FAT4: variants seen among roughly 807,000 people sequenced by gnomAD.
FAT4 encodes protocadherin Fat 4.
A neutral mutation model predicts 303.9 loss-of-function variants in FAT4; 84 were observed. That is an observed-to-expected ratio of 0.28 (90% CI 0.23 to 0.33). The LOEUF is 0.33. Ranked by LOEUF, FAT4 falls within the 10% of genes least tolerant of loss-of-function variation. FAT4 has a pLI of 1.00. For synonymous variants in FAT4, 2,307 were observed against 2,298.8 expected, an observed-to-expected ratio of 1.00 and a Z score of -0.10; for missense variants, 6,005 against 6,146.8, an observed-to-expected ratio of 0.98 and a Z score of 0.77.
At chr4:125,422,160 T>C (rs1724925006) in intron 7 of FAT4, among the ~76,000 whole-genome samples, 1 of 152,206 alleles carries the variant, frequency 6.6e-6, no homozygotes, top group Non-Finnish European at 1.5e-5. Context: ...ATTTAGACAT[T>C]GTTTAAATTT....
intron 10 of FAT4, among the ~76,000 whole-genome samples, chr4:125,455,734 A>G (rs2126065075): frequency 6.6e-6 from 1 of 152,264 alleles, no homozygotes; most frequent in Middle Eastern, 3.4e-3. Context: ...TGTTATGGTG[A>G]GTTCTATGGT....
At chr4:125,355,135 C>A (rs1012464207) in intron 2 of FAT4, among the ~76,000 whole-genome samples, 3 of 151,652 alleles carry the variant, frequency 2.0e-5, no homozygotes, top group Admixed American at 2.0e-4. Context: ...TTTTAGAGAA[C>A]CTTCATATGA....
chr4:125,424,541 A>C (rs1725022255), intron 7 of FAT4, among the ~76,000 whole-genome samples: 1 of 152,186 alleles, frequency 6.6e-6, no homozygotes, highest in African/African-American at 2.4e-5. Context: ...CAGTGTGAGA[A>C]GGGATTAACA....
chr4:125,457,647 G>A (rs549251381), intron 10 of FAT4, among the ~76,000 whole-genome samples: 111 of 151,950 alleles, frequency 7.3e-4, no homozygotes, highest in African/African-American at 2.6e-3. Context: ...ATCACCATAT[G>A]AAGCTTTGAT....
intron 2 of FAT4, among the ~76,000 whole-genome samples, chr4:125,341,784 A>C (rs1212537554): frequency 4.6e-5 from 7 of 152,056 alleles, no homozygotes; most frequent in African/African-American, 1.7e-4. Context: ...GTGCCTAGCC[A>C]TCTGGAGCAC....
At chr4:125,412,403 TTTTA>T (rs1734881484) in intron 5 of FAT4, among the ~76,000 whole-genome samples, 1 of 152,044 alleles carries the variant, frequency 6.6e-6, no homozygotes, top group Admixed American at 6.6e-5. Context: ...TAGTTATATT[TTTTA>T]TTTGTTTCAT....
At chr4:125,444,757 T>C (rs6850379) in intron 8 of FAT4, among the ~76,000 whole-genome samples, 1 of 152,180 alleles carries the variant, frequency 6.6e-6, no homozygotes, top group East Asian at 1.9e-4. Context: ...ATTATAAAAC[T>C]AAAAAAGTTT....
chr4:125,487,938 C>T (rs562910812), intron 17 of FAT4, among the ~76,000 whole-genome samples: 9 of 152,074 alleles, frequency 5.9e-5, no homozygotes, highest in Non-Finnish European at 1.3e-4. Context: ...TACATTTGTT[C>T]ATTTATTTAT....
rs148160095 is a variant in FAT4 at position 125,371,778 on chromosome 4, A to G, written c.5176-27006A>G. On this transcript the variant is annotated intron_variant, in intron 2 of 17. Transcript: ENST00000394329. ...TAATTACAGATAGAGTTTTTTGTGA[A>G]TAAAACTGAACAAAGTGATGTAATG... Among the ~76,000 whole-genome samples the G allele has an allele frequency of 4.5e-3, 690 of 151,946 alleles. 3 individuals carry two copies. Among genetic ancestry groups the G allele is most frequent in the African/African-American group, 0.016 (646 of 41,466 alleles).
intron 2 of FAT4, among the ~76,000 whole-genome samples, chr4:125,324,458 G>A (rs1021798609): frequency 1.3e-5 from 2 of 152,142 alleles, no homozygotes; most frequent in Admixed American, 1.3e-4. Flanking sequence ...CAGAACATAT[G>A]TCTTTATAAC....
intron 2 of FAT4, among the ~76,000 whole-genome samples, chr4:125,380,784 T>G (rs1334366613): frequency 6.6e-6 from 1 of 152,220 alleles, no homozygotes; most frequent in Non-Finnish European, 1.5e-5. Context: ...ATGCTTGCAA[T>G]TCTGCACTAA....
At chr4:125,395,165 C>A (rs1029321397) in intron 2 of FAT4, among the ~76,000 whole-genome samples, 6 of 152,056 alleles carry the variant, frequency 3.9e-5, no homozygotes, top group African/African-American at 1.4e-4. Context: ...ATAATTAAAA[C>A]CGCAGGCTAC....
At chr4:125,457,639 C>G (rs928606033) in intron 10 of FAT4, among the ~76,000 whole-genome samples, 22 of 151,738 alleles carry the variant, frequency 1.4e-4, no homozygotes, top group South Asian at 1.0e-3. Context: ...ATATTAATAT[C>G]ACCATATGAA....
intron 2 of FAT4, among the ~76,000 whole-genome samples, chr4:125,388,203 G>C (rs141022853): frequency 2.0e-5 from 3 of 152,196 alleles, no homozygotes; most frequent in Admixed American, 2.0e-4. Flanking sequence ...TATTATGAAA[G>C]AGCCCAAAAA....
In FAT4 at chr4:125,318,256, C is replaced by T. The variant is rs548524386; in HGVS notation, c.1845C>T (p.Asn615=). ...LRATDGDLGD[N]GTVRFSLQEA... ...CAACTGACGGGGACCTGGGTGACAA[C>T]GGAACAGTGCGCTTCTCCTTACAAG... The change falls in exon 2 of 18, where the codon AAC becomes AAT. Residue 615 remains asparagine, a synonymous_variant. Coordinates refer to ENST00000394329, the MANE Select transcript of FAT4 (RefSeq NM_001291303.3). 18 of 1,614,070 alleles carry T rather than the reference C, an allele frequency of 1.1e-5. No individual in the cohort carries two copies. The East Asian group carries it at 1.8e-4, about 16-fold the overall frequency.
intron 8 of FAT4, among the ~76,000 whole-genome samples, chr4:125,436,224 T>G (rs1725447917): frequency 6.6e-6 from 1 of 150,936 alleles, no homozygotes; most frequent in African/African-American, 2.4e-5. Context: ...GGACGTGAGA[T>G]CAAATGAAAG....
intron 7 of FAT4, among the ~76,000 whole-genome samples, chr4:125,417,519 A>G (rs560746674): frequency 2.0e-5 from 3 of 152,274 alleles, no homozygotes; most frequent in African/African-American, 7.2e-5. Context: ...TCTAACCCTA[A>G]TTTCTATTAA....
chr4:125,452,849 C>T (rs1356428723), intron 10 of FAT4, 39 bp downstream of exon 10: 2 of 1,542,682 alleles, frequency 1.3e-6, no homozygotes, highest in Non-Finnish European at 8.7e-7. Context: ...AAGACTTTAG[C>T]CATGTCAAGT....
At chr4:125,458,619 A>C (rs902981672) in intron 10 of FAT4, among the ~76,000 whole-genome samples, 7 of 151,972 alleles carry the variant, frequency 4.6e-5, no homozygotes, top group Non-Finnish European at 5.9e-5. Context: ...TTAACTTATA[A>C]AAGCATTAAT....
Sources: gnomAD v4.1 joint callset for allele counts (sites outside exome capture counted in the v4.1 genomes callset) on GRCh38, gnomAD v4.1.1 for gene constraint, MANE v1.5 for transcripts, NCBI Gene and HGNC (gene_info 2026-07-23, HGNC 2026-07-21) for gene names.